Variants in ERG observed in about 807,000 individuals in gnomAD.
The protein encoded by ERG is transcriptional regulator ERG.
In ERG, 9 loss-of-function variants were observed where a neutral mutation model predicts 55.3. The ratio of observed to expected loss-of-function variants is 0.16; its 90% CI spans 0.10 to 0.28. The LOEUF is 0.28. Ranked by LOEUF, ERG falls within the 10% of genes least tolerant of loss-of-function variation. The probability of loss-of-function intolerance (pLI) is 1.00; values close to 1 mark genes in which losing one functional copy is unlikely to be tolerated. For missense variants in ERG, 434 were observed against 631.6 expected (o/e 0.69, Z 3.35); for synonymous variants, 223 against 237.3 (o/e 0.94, Z 0.55).
chr21:38,518,601 G>T (rs569653222), intron 2 of ERG, among the ~76,000 whole-genome samples: 1 of 152,114 alleles, frequency 6.6e-6, no homozygotes, highest in East Asian at 1.9e-4. Flanking sequence ...AGAAACTTGA[G>T]AAGTAACTCA....
intron 2 of ERG, among the ~76,000 whole-genome samples, chr21:38,527,378 C>T (rs2059637602): frequency 6.6e-6 from 1 of 152,138 alleles, no homozygotes. Context: ...CTGAGGTGGA[C>T]CAGGAATCTG....
intron 3 of ERG, among the ~76,000 whole-genome samples, chr21:38,421,355 T>G: frequency 6.6e-6 from 1 of 152,270 alleles, no homozygotes; most frequent in East Asian, 1.9e-4. Context: ...GATGGTCCCT[T>G]TCACACCCCA....
At chr21:38,545,881 T>G (rs1236015898) in intron 2 of ERG, among the ~76,000 whole-genome samples, 2 of 152,162 alleles carry the variant, frequency 1.3e-5, no homozygotes, top group Non-Finnish European at 2.9e-5. Flanking sequence ...CTACTAAACA[T>G]CTCTTCTCAG....
Position 38,515,813 on chromosome 21 carries a change from T to C in ERG, c.-41+59849A>G, listed in dbSNP as rs569005363. 2.2e-4 allele frequency among the ~76,000 whole-genome samples: 34 copies of C among 152,114 alleles called. No homozygotes were observed. In the South Asian group the frequency reaches 6.4e-3, roughly 29 times the overall value. On this transcript the variant is annotated intron_variant, in intron 2 of 8. Transcript: ENST00000398897. ...GGTCAAGTGGGATGTATCCCAGAGA[T>C]GCAAGGATGGTTCAACATACACAAA...
Position 38,430,825 on chromosome 21 carries a change from G to C in ERG, c.237-7264C>G, listed in dbSNP as rs1990167855. Among the ~76,000 whole-genome samples the C allele has an allele frequency of 2.0e-5, 3 of 152,118 alleles. No individual in the cohort carries two copies. The South Asian group carries it at 6.2e-4, about 31-fold the overall frequency. ...GGTTCAGCCTCCCTATGAATAGCTG[G>C]GACTACAGGCCACACTCCTTGAGGA... On this transcript the variant is annotated intron_variant, in intron 2 of 9. Coordinates refer to ENST00000288319, the MANE Select transcript of ERG (RefSeq NM_182918.4).
intron 1 of ERG, among the ~76,000 whole-genome samples, chr21:38,637,501 T>G (rs1363198283): frequency 6.6e-6 from 1 of 152,186 alleles, no homozygotes. Context: ...TACCTAACAT[T>G]TCTGAGCTTC....
intron 2 of ERG, among the ~76,000 whole-genome samples, chr21:38,557,540 C>G (rs987110650): frequency 6.6e-6 from 1 of 151,412 alleles, no homozygotes; most frequent in Non-Finnish European, 1.5e-5. Context: ...GATCAATGAT[C>G]AAACATATAT....
At chr21:38,450,018 T>A (rs1022253370) in intron 1 of ERG, among the ~76,000 whole-genome samples, 3 of 152,026 alleles carry the variant, frequency 2.0e-5, no homozygotes, top group African/African-American at 7.3e-5. Context: ...TTATATGCTA[T>A]AATTATTTGA....
chr21:38,561,023 GT>G (rs930106851), intron 2 of ERG, among the ~76,000 whole-genome samples: 15 of 151,682 alleles, frequency 9.9e-5, no homozygotes, highest in South Asian at 6.3e-4. Flanking sequence ...AAAATGTGGG[GT>G]TTTTTTTAAT....
intron 2 of ERG, among the ~76,000 whole-genome samples, chr21:38,434,944 A>G (rs1990382354): frequency 2.6e-5 from 4 of 152,228 alleles, no homozygotes; most frequent in Admixed American, 2.6e-4. Flanking sequence ...ACTATTGTGC[A>G]GTGTTCAGCA....
upstream of ERG, among the ~76,000 whole-genome samples, chr21:38,501,890 C>T (rs1412019123): frequency 6.6e-6 from 1 of 152,126 alleles, no homozygotes; most frequent in Non-Finnish European, 1.5e-5. Flanking sequence ...ATAAATATAC[C>T]ATAAATTCAC....
At chr21:38,559,332 A>G (rs1386516855) in intron 2 of ERG, among the ~76,000 whole-genome samples, 1 of 151,214 alleles carries the variant, frequency 6.6e-6, no homozygotes, top group Non-Finnish European at 1.5e-5. Flanking sequence ...ACTTGGCAGC[A>G]ATGGACTTGG....
At chr21:38,480,398 C>A (rs2059226355) in intron 1 of ERG, among the ~76,000 whole-genome samples, 1 of 151,990 alleles carries the variant, frequency 6.6e-6, no homozygotes. Flanking sequence ...TTCCTCACAG[C>A]CTCCAGAAGG....
intron 1 of ERG, among the ~76,000 whole-genome samples, chr21:38,625,423 T>C (rs2060318432): frequency 6.6e-6 from 1 of 152,216 alleles, no homozygotes. Flanking sequence ...CAGGTATTCA[T>C]TGTACCATTA....
In ERG at chr21:38,553,097, CA is replaced by C. The variant is rs748476770; in HGVS notation, c.-41+22564del. Among the ~76,000 whole-genome samples, 50 of 151,544 alleles carry C rather than the reference CA, an allele frequency of 3.3e-4. No homozygotes were observed. In the East Asian group the frequency reaches 7.0e-3, roughly 21 times the overall value. ...AATGCAATTCCATTCAAAATAGCAA[CA>C]AAAAAAATACAATACTTAAGGGTAC... On this transcript the variant is annotated intron_variant, in intron 2 of 8. Coordinates refer to the ERG transcript ENST00000398897.
At chr21:38,586,123 A>T (rs2060062469), upstream of ERG, among the ~76,000 whole-genome samples, 1 of 142,444 alleles carries the variant, frequency 7.0e-6, no homozygotes, top group African/African-American at 2.5e-5. Flanking sequence ...TTTATTTTTT[A>T]AACCAACTAA....
chr21:38,638,037 T>C (rs2060400933), intron 1 of ERG, among the ~76,000 whole-genome samples: 1 of 152,156 alleles, frequency 6.6e-6, no homozygotes. Context: ...AAAACGAAGA[T>C]CTAAGGTAAG....
At chr21:38,546,859 G>A (rs913640424) in intron 2 of ERG, among the ~76,000 whole-genome samples, 16 of 152,154 alleles carry the variant, frequency 1.1e-4, no homozygotes, top group Admixed American at 2.0e-4. Context: ...TGATCTCCTC[G>A]TTGACCTCCC....
At chr21:38,604,545 T>C (rs1024205294) in intron 1 of ERG, among the ~76,000 whole-genome samples, 1 of 152,262 alleles carries the variant, frequency 6.6e-6, no homozygotes, top group Non-Finnish European at 1.5e-5. Flanking sequence ...TTCATGTGAA[T>C]GTTATTATAA....
Sources: allele counts gnomAD v4.1 joint callset (sites outside exome capture counted in the v4.1 genomes callset), GRCh38; gene constraint gnomAD v4.1.1; transcripts MANE v1.5; gene names NCBI Gene and HGNC (gene_info 2026-07-23, HGNC 2026-07-21).